The following GHRHR variants were observed in gnomAD, a reference collection of about 807,000 sequenced individuals.
The protein encoded by GHRHR is growth hormone releasing hormone receptor.
In GHRHR, 40 loss-of-function variants were observed where a neutral mutation model predicts 58.3. The observed-to-expected ratio is 0.69, with a 90% CI of 0.53 to 0.89. The LOEUF (loss-of-function observed/expected upper bound fraction) is 0.89, where lower values mean the gene tolerates loss of function less well. Among genes scored for constraint, GHRHR ranks in the 40% least tolerant of loss-of-function variants. The pLI is 0.00. For missense variants in GHRHR, 551 were observed against 541.3 expected (o/e 1.02, Z -0.18); for synonymous variants, 249 against 216.6 (o/e 1.15, Z -1.31).
At chr7:30,965,467 T>A (rs990435547) in intron 1 of GHRHR, among the ~76,000 whole-genome samples, 2 of 152,174 alleles carry the variant, frequency 1.3e-5, no homozygotes, top group South Asian at 2.1e-4. Context: ...CCAGTCCTAA[T>A]TCAGCAGGAG....
At chr7:30,972,546 G>T (rs992237365) in intron 6 of GHRHR, among the ~76,000 whole-genome samples, 4 of 152,118 alleles carry the variant, frequency 2.6e-5, no homozygotes, top group African/African-American at 9.7e-5. Context: ...AACGAGAGGG[G>T]GCTTCAGGGA....
intron 1 of GHRHR, among the ~76,000 whole-genome samples, chr7:30,966,477 T>C (rs117472888): frequency 0.022 from 3,296 of 152,190 alleles, 44 homozygotes; most frequent in Non-Finnish European, 0.036. Context: ...CCCACTTCCC[T>C]TGTCCTTGCA....
chr7:30,977,146 T>A (rs900529748), intron 11 of GHRHR, 135 bp from the exon 12 acceptor site: 28 of 821,638 alleles, frequency 3.4e-5, no homozygotes, highest in Admixed American at 2.7e-4. Context: ...TGAATGCATT[T>A]AAATTCCCCT....
chr7:30,973,861 G>A, intron 6 of GHRHR, 124 bp from the exon 7 acceptor site: 3 of 920,632 alleles, frequency 3.3e-6, no homozygotes, highest in Admixed American at 3.6e-5. Flanking sequence ...GTGGCCCAAG[G>A]AGCTGCAGGT....
chr7:30,977,035 A>G (rs1401424273), intron 11 of GHRHR, among the ~76,000 whole-genome samples: 2 of 152,202 alleles, frequency 1.3e-5, no homozygotes, highest in African/African-American at 4.8e-5. Context: ...CTCATTCACA[A>G]GGGATGCAGA....
At chr7:30,969,247 G>A (rs1453147491) in intron 3 of GHRHR, 77 bp downstream of exon 3, 2 of 1,052,054 alleles carry the variant, frequency 1.9e-6, no homozygotes, top group Admixed American at 4.0e-5. Context: ...CTGGATTTGG[G>A]GGCAGGCTAA....
intron 3 of GHRHR, chr7:30,969,661 C>G: frequency 1.6e-6 from 1 of 638,708 alleles, no homozygotes; most frequent in Non-Finnish European, 2.8e-6. Context: ...AGAGATGGCA[C>G]CTTTGAAGCC....
chr7:30,965,992 C>T (rs1036368911), intron 1 of GHRHR, among the ~76,000 whole-genome samples: 2 of 152,190 alleles, frequency 1.3e-5, no homozygotes, highest in East Asian at 3.9e-4. Context: ...AAAATAAGAC[C>T]TGGAGCCTGG....
At chr7:30,972,141 G>C (rs751110372) in intron 6 of GHRHR, 46 bp downstream of exon 6, 2 of 1,607,940 alleles carry the variant, frequency 1.2e-6, no homozygotes, top group Non-Finnish European at 1.7e-6. Flanking sequence ...GGAGAGAGGA[G>C]GTAGGATTAC....
intron 4 of GHRHR, 98 bp from the exon 5 acceptor site, chr7:30,971,021 G>T: frequency 1.4e-6 from 1 of 713,352 alleles, no homozygotes; most frequent in Non-Finnish European, 2.6e-6. Context: ...GGGAGTGTTG[G>T]GGTGGAATGG....
chr7:30,965,571 C>T (rs998085615), intron 1 of GHRHR, among the ~76,000 whole-genome samples: 1 of 152,230 alleles, frequency 6.6e-6, no homozygotes, highest in Non-Finnish European at 1.5e-5. Flanking sequence ...CCCACACATC[C>T]TGAGTCATTA....
chr7:30,976,969 C>T, intron 11 of GHRHR, among the ~76,000 whole-genome samples: 1 of 151,820 alleles, frequency 6.6e-6, no homozygotes, highest in Admixed American at 6.6e-5. Context: ...TCCATCCACC[C>T]ATCCATCCAA....
chr7:30,971,957 C>A lies in GHRHR; in HGVS notation c.465-6C>A. Reference sequence around the variant, plus strand: ...TCTTGTTCCTCATTTCTCCCATTACCCCCAGGAGGCTCCACTGCCCCCGGA... The same window carrying A: ...TCTTGTTCCTCATTTCTCCCATTACACCCAGGAGGCTCCACTGCCCCCGGA... On this transcript the variant is annotated splice_polypyrimidine_tract_variant and splice_region_variant and intron_variant, in intron 5 of 12. Transcript: ENST00000326139. The A allele has an allele frequency of 6.2e-7, 1 of 1,613,652 alleles. No homozygotes were observed. Among genetic ancestry groups the A allele is most frequent in the Non-Finnish European group, 8.5e-7 (1 of 1,179,714 alleles).
At chr7:30,973,451 G>C (rs1584414558) in intron 6 of GHRHR, among the ~76,000 whole-genome samples, 1 of 152,174 alleles carries the variant, frequency 6.6e-6, no homozygotes, top group African/African-American at 2.4e-5. Context: ...AGTGGCACAC[G>C]GGTGGGGCTG....
At chr7:30,978,784 G>A (rs1309503814) in intron 12 of GHRHR, among the ~76,000 whole-genome samples, 1 of 152,180 alleles carries the variant, frequency 6.6e-6, no homozygotes, top group Non-Finnish European at 1.5e-5. Flanking sequence ...TTGAATCCCA[G>A]AGCAAGGAGT....
At chr7:30,971,884 C>T in intron 5 of GHRHR, 79 bp from the exon 6 acceptor site, 1 of 1,324,166 alleles carries the variant, frequency 7.6e-7, no homozygotes, top group Non-Finnish European at 1.1e-6. Context: ...ACCTCCTGCC[C>T]TGTTCAGCCC....
intron 11 of GHRHR, 26 bp downstream of exon 11, chr7:30,976,584 C>A: frequency 1.2e-6 from 2 of 1,608,588 alleles, no homozygotes; most frequent in South Asian, 2.2e-5. Context: ...GGCACTCTTT[C>A]TTTCCATTGA....
intron 6 of GHRHR, among the ~76,000 whole-genome samples, chr7:30,972,422 G>A (rs557084647): frequency 1.3e-5 from 2 of 152,256 alleles, no homozygotes; most frequent in African/African-American, 4.8e-5. Context: ...TGTGCTGGGG[G>A]TGTGTACGCA....
chr7:30,964,325 G>T (rs1375392507), intron 1 of GHRHR, among the ~76,000 whole-genome samples, 200 bp downstream of exon 1: 1 of 152,194 alleles, frequency 6.6e-6, no homozygotes, highest in Non-Finnish European at 1.5e-5. Flanking sequence ...CCAGCAATCT[G>T]TAGTGACTCT....
Sources: gnomAD v4.1 joint callset for allele counts (sites outside exome capture counted in the v4.1 genomes callset) on GRCh38, gnomAD v4.1.1 for gene constraint, MANE v1.5 for transcripts, NCBI Gene and HGNC (gene_info 2026-07-23, HGNC 2026-07-21) for gene names.